The following FRMD4B variants were observed in gnomAD, a reference collection of about 807,000 sequenced individuals.
FRMD4B encodes the protein FERM domain containing 4B, also known as FERM domain-containing protein 4B.
FRMD4B carries 74 observed loss-of-function variants against 141.5 expected under a neutral mutation model. The observed-to-expected ratio is 0.52, with a 90% CI of 0.43 to 0.63. The LOEUF (loss-of-function observed/expected upper bound fraction) is 0.63, where lower values mean the gene tolerates loss of function less well. FRMD4B is among the 30% of genes least tolerant of loss of function. The pLI is 0.00. For synonymous variants in FRMD4B, 506 were observed against 467.9 expected, an observed-to-expected ratio of 1.08 and a Z score of -1.05; for missense variants, 1,366 against 1,253.4, an observed-to-expected ratio of 1.09 and a Z score of -1.36.
chr3:69,279,328 C>T (rs922827710), intron 5 of FRMD4B, among the ~76,000 whole-genome samples: 19 of 152,124 alleles, frequency 1.2e-4, no homozygotes, highest in Non-Finnish European at 2.4e-4. Flanking sequence ...TCAAGCTTGG[C>T]CAAATTGTTT....
chr3:69,347,300 C>T (rs1298992656), intron 1 of FRMD4B, among the ~76,000 whole-genome samples: 1 of 152,184 alleles, frequency 6.6e-6, no homozygotes. Flanking sequence ...AATATATATG[C>T]ACCCAATACA....
intron 7 of FRMD4B, among the ~76,000 whole-genome samples, chr3:69,234,740 C>A (rs2093333184): frequency 6.6e-6 from 1 of 152,172 alleles, no homozygotes; most frequent in Admixed American, 6.5e-5. Context: ...TCTGGAAAGG[C>A]AAATCTCAGG....
At chr3:69,503,626 T>C (rs1268689749) in intron 1 of FRMD4B, among the ~76,000 whole-genome samples, 1 of 152,186 alleles carries the variant, frequency 6.6e-6, no homozygotes, top group Non-Finnish European at 1.5e-5. Context: ...ATGGCACATG[T>C]ATTCATATGT....
upstream of FRMD4B, among the ~76,000 whole-genome samples, chr3:69,389,683 G>A (rs544037728): frequency 6.6e-6 from 1 of 152,262 alleles, no homozygotes; most frequent in East Asian, 1.9e-4. Flanking sequence ...TTAGAGGGAA[G>A]GAAATACAAC....
At chr3:69,207,405 T>A (rs2093033820) in intron 11 of FRMD4B, among the ~76,000 whole-genome samples, 3 of 152,204 alleles carry the variant, frequency 2.0e-5, no homozygotes, top group Non-Finnish European at 1.5e-5. Flanking sequence ...TACTAATTGC[T>A]TTTCTCTGCA....
intron 2 of FRMD4B, among the ~76,000 whole-genome samples, chr3:69,412,030 C>T (rs1354782458): frequency 6.6e-6 from 1 of 152,230 alleles, no homozygotes. Flanking sequence ...TTATTGAGTG[C>T]TCACTATGTG....
chr3:69,534,581 G>A (rs1326574285), intron 1 of FRMD4B, among the ~76,000 whole-genome samples: 1 of 152,190 alleles, frequency 6.6e-6, no homozygotes, highest in Admixed American at 6.5e-5. Context: ...AGACAGAGAT[G>A]GTTGTGGGAG....
At chr3:69,294,957 CA>C (rs1245545253) in intron 4 of FRMD4B, among the ~76,000 whole-genome samples, 1 of 152,166 alleles carries the variant, frequency 6.6e-6, no homozygotes, top group Non-Finnish European at 1.5e-5. Context: ...AGACCCAAGC[CA>C]GACAATCCCA....
chr3:69,419,981 G>A (rs368873373), intron 2 of FRMD4B, among the ~76,000 whole-genome samples: 5 of 152,076 alleles, frequency 3.3e-5, no homozygotes, highest in South Asian at 2.1e-4. Flanking sequence ...CTCAGCCTCC[G>A]GAGTAGCTGG....
chr3:69,456,903 T>C (rs1003934416), intron 1 of FRMD4B, among the ~76,000 whole-genome samples: 21 of 152,186 alleles, frequency 1.4e-4, no homozygotes, highest in Non-Finnish European at 2.2e-4. Flanking sequence ...CGCAGCTGAG[T>C]AGCTGCAACA....
chr3:69,536,211 T>C, intron 1 of FRMD4B: 2 of 592,626 alleles, frequency 3.4e-6, no homozygotes, highest in Non-Finnish European at 6.3e-6. Flanking sequence ...GGATCCTCCT[T>C]GGCCTCACTT....
chr3:69,237,475 C>T (rs2106674744), intron 7 of FRMD4B, among the ~76,000 whole-genome samples: 1 of 152,368 alleles, frequency 6.6e-6, no homozygotes, highest in East Asian at 1.9e-4. Context: ...CCCACTGTTT[C>T]TGTGAGAGGT....
intron 5 of FRMD4B, among the ~76,000 whole-genome samples, chr3:69,272,372 C>T (rs965404781): frequency 7.2e-5 from 11 of 152,200 alleles, no homozygotes; most frequent in African/African-American, 7.2e-5. Flanking sequence ...GTTGGCCAGG[C>T]TGGTCTTGAA....
upstream of FRMD4B, chr3:69,542,585 T>A (rs1575606588): frequency 6.6e-6 from 1 of 152,542 alleles, no homozygotes; most frequent in East Asian, 1.9e-4. Context: ...CCTCTCGCTG[T>A]CAGCCGGGGC....
chr3:69,184,413 G>T (rs571412315), intron 19 of FRMD4B, among the ~76,000 whole-genome samples: 2 of 152,070 alleles, frequency 1.3e-5, no homozygotes, highest in Admixed American at 6.5e-5. Context: ...CTTACTATTT[G>T]CCTACAGTGT....
intron 1 of FRMD4B, among the ~76,000 whole-genome samples, chr3:69,478,408 T>C (rs1473339110): frequency 6.6e-6 from 1 of 152,228 alleles, no homozygotes; most frequent in Non-Finnish European, 1.5e-5. Flanking sequence ...TGTTGTGTCT[T>C]TGTTCTCATT....
intron 1 of FRMD4B, among the ~76,000 whole-genome samples, chr3:69,437,807 TTA>T (rs1705283743): frequency 8.4e-6 from 1 of 118,948 alleles, no homozygotes; most frequent in Admixed American, 1.0e-4. Context: ...ATTTATATTT[TTA>T]TATATACTAT....
intron 22 of FRMD4B, 92 bp downstream of exon 22, chr3:69,176,432 T>C: frequency 8.9e-7 from 1 of 1,124,762 alleles, no homozygotes; most frequent in Non-Finnish European, 1.3e-6. Flanking sequence ...TGCCAACCCC[T>C]GAACTAGATT....
In FRMD4B at chr3:69,238,811, T is replaced by C. The variant is rs576945729; in HGVS notation, c.581+10415A>G. Among the ~76,000 whole-genome samples the C allele has an allele frequency of 1.4e-3, 212 of 152,208 alleles. 1 individual carries two copies. Among genetic ancestry groups the C allele is most frequent in the Admixed American group, 2.0e-3 (30 of 15,278 alleles). On this transcript the variant is annotated intron_variant, in intron 7 of 22. Coordinates refer to ENST00000398540, the MANE Select transcript of FRMD4B (RefSeq NM_015123.3). ...AAACAACAACAACAAAAATGTTCCTTCCTTTCTGAAGGTAGCATAATAAAC... is the reference window on the plus strand; with the variant it reads ...AAACAACAACAACAAAAATGTTCCTCCCTTTCTGAAGGTAGCATAATAAAC...
Sources: gnomAD v4.1 joint callset for allele counts (sites outside exome capture counted in the v4.1 genomes callset) on GRCh38, gnomAD v4.1.1 for gene constraint, MANE v1.5 for transcripts, NCBI Gene and HGNC (gene_info 2026-07-23, HGNC 2026-07-21) for gene names.